Variants in CDC73 observed in about 807,000 individuals in gnomAD.
CDC73 encodes parafibromin.
Under a neutral mutation model 83.7 loss-of-function variants are expected in CDC73, and 21 were observed. That is an observed-to-expected ratio of 0.25 (90% CI 0.18 to 0.36). CDC73 has a LOEUF of 0.36. Among genes scored for constraint, CDC73 ranks in the 10% least tolerant of loss-of-function variants. CDC73 has a pLI of 1.00. For missense variants in CDC73, 342 were observed against 653.3 expected, an observed-to-expected ratio of 0.52 and a Z score of 5.19; for synonymous variants, 224 against 212.9, an observed-to-expected ratio of 1.05 and a Z score of -0.45.
intron 10 of CDC73, among the ~76,000 whole-genome samples, chr1:193,188,553 T>C (rs773841125): frequency 2.0e-5 from 3 of 152,178 alleles, no homozygotes; most frequent in Non-Finnish European, 4.4e-5. Flanking sequence ...GATTAACTAC[T>C]GTGTACCAAC....
At chr1:193,143,883 G>T (rs2103127847) in intron 7 of CDC73, among the ~76,000 whole-genome samples, 1 of 152,220 alleles carries the variant, frequency 6.6e-6, no homozygotes, top group Non-Finnish European at 1.5e-5. Flanking sequence ...GTCGAGGTGG[G>T]TGGACCAGTT....
At chr1:193,248,726 G>A (rs923556024) in intron 15 of CDC73, among the ~76,000 whole-genome samples, 4 of 152,024 alleles carry the variant, frequency 2.6e-5, no homozygotes, top group African/African-American at 9.7e-5. Flanking sequence ...CTTCAGTGGA[G>A]GAAATAAAGA....
At chr1:193,207,234 A>G (rs1677202720) in intron 11 of CDC73, among the ~76,000 whole-genome samples, 1 of 152,192 alleles carries the variant, frequency 6.6e-6, no homozygotes, top group East Asian at 1.9e-4. Flanking sequence ...GTATACGAAC[A>G]GGGAGTAGGT....
chr1:193,220,515 AG>A (rs1677451129), intron 13 of CDC73, among the ~76,000 whole-genome samples: 1 of 152,176 alleles, frequency 6.6e-6, no homozygotes, highest in African/African-American at 2.4e-5. Flanking sequence ...ACTGATTCAA[AG>A]TGAGAAGCCA....
At chr1:193,197,763 TAAA>T (rs1336189703) in intron 10 of CDC73, among the ~76,000 whole-genome samples, 1 of 151,708 alleles carries the variant, frequency 6.6e-6, no homozygotes, top group Non-Finnish European at 1.5e-5. Context: ...CCGTCTCTAC[TAAA>T]AATAGAAAAA....
intron 10 of CDC73, among the ~76,000 whole-genome samples, chr1:193,154,119 C>T (rs1676166826): frequency 6.6e-6 from 1 of 152,196 alleles, no homozygotes; most frequent in Non-Finnish European, 1.5e-5. Context: ...ATCTTGGGAA[C>T]AGAACTTGCC....
At chr1:193,163,174 T>TGG (rs1553282105) in intron 10 of CDC73, among the ~76,000 whole-genome samples, 3 of 150,818 alleles carry the variant, frequency 2.0e-5, no homozygotes, top group East Asian at 1.9e-4. Flanking sequence ...TGTGTGTGTG[T>TGG]GTGGGTGTGT....
At chr1:193,231,799 C>G (rs1677667403) in intron 13 of CDC73, among the ~76,000 whole-genome samples, 1 of 152,074 alleles carries the variant, frequency 6.6e-6, no homozygotes, top group Non-Finnish European at 1.5e-5. Context: ...TGAAGTTTTT[C>G]AGAGAACTCT....
At chr1:193,183,621 G>A (rs182808499) in intron 10 of CDC73, among the ~76,000 whole-genome samples, 104 of 151,010 alleles carry the variant, frequency 6.9e-4, no homozygotes, top group Non-Finnish European at 1.3e-3. Context: ...TTAGACCAGG[G>A]AACTATTTTT....
In CDC73 at chr1:193,135,560, T is replaced by G. The variant is rs780017801; in HGVS notation, c.394T>G (p.Leu132Val). Residue 132 changes from leucine (L) to valine (V), a missense_variant, in exon 5 of 17, where the codon TTA becomes GTA. Around this residue, in one of 3 missense-constraint regions of CDC73, gnomAD observed 99 missense variants for 174.5 expected, o/e 0.57. Coordinates refer to ENST00000367435, the MANE Select transcript of CDC73 (RefSeq NM_024529.5). ...AGTCAAACGAGCTGCAGATGAAGTT[T>G]TAGCAGAAGCAAAGAAACCACGAAT... is the stretch of plus-strand genomic sequence containing the variant. The part of the protein sequence containing the change: ...TQVKRAADEV[L>V]AEAKKPRIED... 3 of 1,613,614 alleles carry G rather than the reference T, an allele frequency of 1.9e-6. No homozygotes were observed. Among genetic ancestry groups the G allele is most frequent in the African/African-American group, 2.7e-5 (2 of 75,052 alleles).
At chr1:193,154,281 C>T (rs1302098064) in intron 10 of CDC73, among the ~76,000 whole-genome samples, 1 of 152,176 alleles carries the variant, frequency 6.6e-6, no homozygotes, top group Non-Finnish European at 1.5e-5. Flanking sequence ...TCATCCATCC[C>T]TGTACCTCTG....
rs78901626 is a variant in CDC73, at chr1:193,242,886, A to G, written c.1417+6530A>G. Among the ~76,000 whole-genome samples the G allele has an allele frequency of 3.1e-3, 470 of 152,086 alleles. 4 individuals carry two copies. The highest frequency in any genetic ancestry group is 0.03 in the East Asian group (154 of 5,174). On this transcript the variant is annotated intron_variant, in intron 15 of 16. Coordinates refer to ENST00000367435, the MANE Select transcript of CDC73 (RefSeq NM_024529.5). Reference sequence around the variant, plus strand: ...TTGTGTGAAATATTTTGCAGTTGTAATTCATTGTGCTGCGGTAAAACTGGC... The same window carrying G: ...TTGTGTGAAATATTTTGCAGTTGTAGTTCATTGTGCTGCGGTAAAACTGGC...
At chr1:193,245,767 G>A (rs954160803) in intron 15 of CDC73, among the ~76,000 whole-genome samples, 2 of 151,984 alleles carry the variant, frequency 1.3e-5, no homozygotes, top group African/African-American at 4.8e-5. Flanking sequence ...TATAAGAGTT[G>A]CCCTTTCTCC....
At chr1:193,195,372 T>C (rs1237136895) in intron 10 of CDC73, among the ~76,000 whole-genome samples, 1 of 152,144 alleles carries the variant, frequency 6.6e-6, no homozygotes. Context: ...TCCCATTGTG[T>C]ATATATATAA....
chr1:193,173,047 C>T (rs1676545187), intron 10 of CDC73, among the ~76,000 whole-genome samples: 2 of 152,258 alleles, frequency 1.3e-5, no homozygotes, highest in Admixed American at 1.3e-4. Flanking sequence ...AGGAAAATCC[C>T]TGGTTACATT....
At chr1:193,131,757 A>G (rs1224628346) in intron 3 of CDC73, among the ~76,000 whole-genome samples, 1 of 152,188 alleles carries the variant, frequency 6.6e-6, no homozygotes, top group African/African-American at 2.4e-5. Flanking sequence ...TCACTTGCTT[A>G]CTATTTCATT....
chr1:193,237,359 A>G (rs750770353), intron 15 of CDC73, among the ~76,000 whole-genome samples: 26 of 152,158 alleles, frequency 1.7e-4, no homozygotes, highest in Non-Finnish European at 2.2e-4. Flanking sequence ...TACTGACTGT[A>G]GGAAATTGGT....
At chr1:193,142,692 C>A (rs1209080039) in intron 7 of CDC73, among the ~76,000 whole-genome samples, 1 of 151,776 alleles carries the variant, frequency 6.6e-6, no homozygotes, top group Non-Finnish European at 1.5e-5. Context: ...TTCCTTTTCC[C>A]TATTATGAAT....
intron 10 of CDC73, among the ~76,000 whole-genome samples, chr1:193,196,679 A>G (rs1428420624): frequency 2.0e-5 from 3 of 152,192 alleles, no homozygotes; most frequent in South Asian, 2.1e-4. Context: ...GGTTAAGTTT[A>G]TTCCTAAGTA....
Sources: gnomAD v4.1 joint callset for allele counts (sites outside exome capture counted in the v4.1 genomes callset) on GRCh38, gnomAD v4.1.1 for gene constraint, gnomAD v4.1.1 regional missense constraint, MANE v1.5 for transcripts, NCBI Gene and HGNC (gene_info 2026-07-23, HGNC 2026-07-21) for gene names.